ATP8B4: variants seen among roughly 807,000 people sequenced by gnomAD.
ATP8B4 encodes probable phospholipid-transporting ATPase IM.
Under a neutral mutation model 145.6 loss-of-function variants are expected in ATP8B4, and 133 were observed. The observed-to-expected ratio is 0.91, with a 90% CI of 0.79 to 1.05. ATP8B4 has a LOEUF of 1.05. ATP8B4 is among the 50% of genes least tolerant of loss of function. The pLI is 0.00. For missense variants in ATP8B4, 1,458 were observed against 1,425.2 expected (o/e 1.02, Z -0.37); for synonymous variants, 507 against 492.9 (o/e 1.03, Z -0.38).
chr15:50,153,793 A>G (rs2044379276), intron 1 of ATP8B4, among the ~76,000 whole-genome samples: 1 of 152,250 alleles, frequency 6.6e-6, no homozygotes, highest in African/African-American at 2.4e-5. Context: ...TTCTGATTGA[A>G]AAAGACAGCA....
intron 2 of ATP8B4, among the ~76,000 whole-genome samples, chr15:50,077,523 C>A (rs2054262110): frequency 6.6e-6 from 1 of 152,134 alleles, no homozygotes; most frequent in Admixed American, 6.5e-5. Flanking sequence ...GAGCCCAGAG[C>A]AGCTCTAAAT....
intron 2 of ATP8B4, among the ~76,000 whole-genome samples, chr15:50,078,135 C>T (rs116233187): frequency 0.011 from 1,614 of 151,792 alleles, 30 homozygotes; most frequent in African/African-American, 0.037. Context: ...CTGATTAGTG[C>T]CTTGAATATA....
At chr15:49,874,541 G>T (rs2034110937) in intron 25 of ATP8B4, among the ~76,000 whole-genome samples, 1 of 152,154 alleles carries the variant, frequency 6.6e-6, no homozygotes, top group Non-Finnish European at 1.5e-5. Flanking sequence ...GGCCATTAAG[G>T]TCTGAAGCAA....
upstream of ATP8B4, among the ~76,000 whole-genome samples, chr15:50,123,765 G>A (rs2057289167): frequency 6.6e-6 from 1 of 152,058 alleles, no homozygotes; most frequent in Non-Finnish European, 1.5e-5. Flanking sequence ...AGAACCCACT[G>A]GGCAGTTATG....
intron 12 of ATP8B4, among the ~76,000 whole-genome samples, chr15:49,979,259 G>A (rs1225540968): frequency 6.6e-6 from 1 of 152,026 alleles, no homozygotes; most frequent in African/African-American, 2.4e-5. Flanking sequence ...CCAGTCTAGT[G>A]GCAAAGAGGC....
In ATP8B4 at chr15:49,926,081, C is replaced by T. The variant is rs75951232; in HGVS notation, c.1643-2587G>A. Among the ~76,000 whole-genome samples the T allele has an allele frequency of 2.1e-3, 314 of 152,094 alleles. 1 individual carries two copies. The highest frequency in any genetic ancestry group is 7.3e-3 in the African/African-American group (303 of 41,506). ...CATCCTTCATACTGTCCCTGGGCAA[C>T]TGCATCATTTCTATGGCTTCAGGTT... On this transcript the variant is annotated intron_variant, in intron 16 of 27. Transcript: ENST00000284509.
At chr15:49,875,562 C>T (rs1037093290) in intron 25 of ATP8B4, among the ~76,000 whole-genome samples, 2 of 152,186 alleles carry the variant, frequency 1.3e-5, no homozygotes, top group Non-Finnish European at 2.9e-5. Flanking sequence ...TAACTATGTG[C>T]GGTGATGCAT....
chr15:50,085,919 GATATATATCATATATATTTATATATGAT>G (rs2054922680), intron 2 of ATP8B4, among the ~76,000 whole-genome samples: 2 of 101,794 alleles, frequency 2.0e-5, no homozygotes, highest in Non-Finnish European at 3.5e-5. Context: ...ATTTATATAT[GATATATATCATATATATTTATATATGAT>G]ATATATCATA....
intron 20 of ATP8B4, among the ~76,000 whole-genome samples, chr15:49,906,981 G>C (rs2038693340): frequency 6.6e-6 from 1 of 152,290 alleles, no homozygotes; most frequent in African/African-American, 2.4e-5. Flanking sequence ...TTTAGAAACT[G>C]AAGTGGCCAT....
At chr15:50,068,116 T>C (rs2053502892) in intron 3 of ATP8B4, among the ~76,000 whole-genome samples, 1 of 152,100 alleles carries the variant, frequency 6.6e-6, no homozygotes, top group South Asian at 2.1e-4. Context: ...ACACTGAGAA[T>C]GATGGTGAAC....
chr15:50,033,666 G>A (rs2050615381), intron 6 of ATP8B4, among the ~76,000 whole-genome samples: 1 of 152,166 alleles, frequency 6.6e-6, no homozygotes, highest in Admixed American at 6.5e-5. Context: ...CACTCAGGTA[G>A]TGGGCATAGT....
At chr15:50,050,300 C>T (rs1396718067) in intron 3 of ATP8B4, among the ~76,000 whole-genome samples, 1 of 152,200 alleles carries the variant, frequency 6.6e-6, no homozygotes, top group Non-Finnish European at 1.5e-5. Context: ...ATTGTACTGA[C>T]ATGTCCAAAG....
At chr15:49,983,941 T>C (rs1050565175) in intron 10 of ATP8B4, among the ~76,000 whole-genome samples, 2 of 152,246 alleles carry the variant, frequency 1.3e-5, no homozygotes, top group Non-Finnish European at 2.9e-5. Flanking sequence ...CCTACCATAC[T>C]GAAAATCATA....
chr15:50,020,091 A>G (rs1261164972), intron 6 of ATP8B4, among the ~76,000 whole-genome samples: 1 of 152,018 alleles, frequency 6.6e-6, no homozygotes, highest in East Asian at 1.9e-4. Flanking sequence ...AGTAGCTGCA[A>G]CTGCAGGTGC....
At chr15:49,933,039 C>T (rs1453110582) in intron 15 of ATP8B4, among the ~76,000 whole-genome samples, 2 of 151,938 alleles carry the variant, frequency 1.3e-5, no homozygotes, top group Non-Finnish European at 2.9e-5. Flanking sequence ...AATGTTTCTA[C>T]ATTAGAACAT....
chr15:50,053,846 T>C (rs768056900), intron 3 of ATP8B4, among the ~76,000 whole-genome samples: 6 of 152,216 alleles, frequency 3.9e-5, no homozygotes, highest in Non-Finnish European at 8.8e-5. Flanking sequence ...ATCCTCATTA[T>C]ACATGCAAAT....
Position 49,860,182 on chromosome 15 carries a change from A to AT in ATP8B4, c.*11dup, listed in dbSNP as rs773817950. 7 of 1,597,922 alleles carry AT rather than the reference A, an allele frequency of 4.4e-6. No individual in the cohort carries two copies. Among genetic ancestry groups the AT allele is most frequent in the Non-Finnish European group, 6.0e-6 (7 of 1,171,812 alleles). ...GTGAAAAGATAACTACGTGGTTTAA[A>AT]TTCATATTGACTCACAGTTTCACTG... On this transcript the variant is annotated 3_prime_UTR_variant, in exon 28 of 28. Transcript: ENST00000284509.
At chr15:50,157,726 A>C (rs2044441139) in intron 1 of ATP8B4, among the ~76,000 whole-genome samples, 1 of 113,476 alleles carries the variant, frequency 8.8e-6, no homozygotes. Flanking sequence ...TAACATATTT[A>C]TTCTTCTTCT....
chr15:50,005,441 T>C (rs540690668), intron 7 of ATP8B4, among the ~76,000 whole-genome samples: 4 of 152,210 alleles, frequency 2.6e-5, no homozygotes, highest in African/African-American at 4.8e-5. Context: ...TCTCTCATAA[T>C]TGTGTCGTTT....
Sources: allele counts gnomAD v4.1 joint callset (sites outside exome capture counted in the v4.1 genomes callset), GRCh38; gene constraint gnomAD v4.1.1; transcripts MANE v1.5; gene names NCBI Gene and HGNC (gene_info 2026-07-23, HGNC 2026-07-21).